Variants in PRPSAP1 observed in about 807,000 individuals in gnomAD.
PRPSAP1 encodes the protein phosphoribosyl pyrophosphate synthase-associated protein 1.
Under a neutral mutation model 39.4 loss-of-function variants are expected in PRPSAP1, and 31 were observed. That is an observed-to-expected ratio of 0.79 (90% CI 0.59 to 1.06). The LOEUF is 1.06. Ranked by LOEUF, PRPSAP1 falls within the 50% of genes least tolerant of loss-of-function variation. PRPSAP1 has a pLI of 0.00. For missense variants in PRPSAP1, 430 were observed against 511.6 expected (o/e 0.84, Z 1.54); for synonymous variants, 212 against 192.6 (o/e 1.10, Z -0.83).
chr17:76,319,656 A>G (rs1174168671), intron 7 of PRPSAP1, among the ~76,000 whole-genome samples: 1 of 151,708 alleles, frequency 6.6e-6, no homozygotes, highest in Non-Finnish European at 1.5e-5. Context: ...TTTAGTAGAG[A>G]CGGGGTTTCA....
chr17:76,312,773 A>C (rs990809696), intron 9 of PRPSAP1, 97 bp downstream of exon 9: 19 of 1,461,594 alleles, frequency 1.3e-5, no homozygotes, highest in Non-Finnish European at 1.7e-5. Flanking sequence ...TAGAAAAGCT[A>C]TAGACAGATT....
chr17:76,314,201 A>AATGTATGTATGT lies in PRPSAP1; in HGVS notation c.782-322_782-311dup, dbSNP rs58359232. 4.2e-3 allele frequency: 1,512 copies of AATGTATGTATGT among 359,066 alleles called. 37 individuals carry two copies. Among genetic ancestry groups the AATGTATGTATGT allele is most frequent in the African/African-American group, 0.034 (1,423 of 42,340 alleles). 22.2% of individuals were successfully genotyped at this position (359,066 alleles called of 1,614,324 possible). On this transcript the variant is annotated intron_variant, in intron 7 of 9. Transcript: ENST00000446526. ...AATTTCAACATGTAACTGATATAAA[A>AATGTATGTATGT]ATGTATGTATGTATGTATGTATGTA...
intron 8 of PRPSAP1, 83 bp downstream of exon 8, chr17:76,313,738 T>C: frequency 6.9e-7 from 1 of 1,456,844 alleles, no homozygotes; most frequent in Middle Eastern, 1.7e-4. Flanking sequence ...TCATCGTTCC[T>C]AGAAATACAG....
Position 76,353,793 on chromosome 17 carries a change from G to A in PRPSAP1, c.-90C>T, listed in dbSNP as rs2071610938. 3 of 1,390,168 alleles carry A rather than the reference G, an allele frequency of 2.2e-6. No individual in the cohort carries two copies. The highest frequency in any genetic ancestry group is 2.8e-6 in the Non-Finnish European group (3 of 1,080,486). The allele number at this position is 1,390,168 out of a possible 1,614,324, so 86.1% of individuals were successfully genotyped here. A position where few individuals can be genotyped will look rare whatever the true frequency, so the allele number is the denominator to read the frequency against. ...GCGAGACCCCGGTTTGGGTGGGGAA[G>A]GCGCTGAGAAACTCGGCGCAAGCGG... On this transcript the variant is annotated 5_prime_UTR_variant, in exon 1 of 10. Coordinates refer to ENST00000446526, the MANE Select transcript of PRPSAP1 (RefSeq NM_002766.3).
In PRPSAP1 at chr17:76,320,539, C is replaced by G. The variant is rs141737813; in HGVS notation, c.782-6648G>C. Among the ~76,000 whole-genome samples, 643 of 147,092 alleles carry G rather than the reference C, an allele frequency of 4.4e-3. 6 individuals carry two copies. The highest frequency in any genetic ancestry group is 0.016 in the African/African-American group (623 of 39,576). On this transcript the variant is annotated intron_variant, in intron 7 of 9. Coordinates refer to ENST00000446526, the MANE Select transcript of PRPSAP1 (RefSeq NM_002766.3). ...TCCCAGGTTCAAGTGATTTTCCTGA[C>G]TCAGCCTACCAAGTAGCTGGGACTA...
At chr17:76,333,220 C>G (rs2143506945) in intron 3 of PRPSAP1, among the ~76,000 whole-genome samples, 1 of 152,218 alleles carries the variant, frequency 6.6e-6, no homozygotes, top group African/African-American at 2.4e-5. Flanking sequence ...AGGCAATTCT[C>G]CTGGCTCATC....
chr17:76,344,516 CG>C (rs1302084895), intron 3 of PRPSAP1, among the ~76,000 whole-genome samples, 154 bp downstream of exon 3: 1 of 152,156 alleles, frequency 6.6e-6, no homozygotes, highest in Non-Finnish European at 1.5e-5. Context: ...CCGCCCACCT[CG>C]GCCTCCCAAA....
In PRPSAP1 at chr17:76,330,042, C is replaced by A. The variant is rs779922322; in HGVS notation, c.635+1G>T. 10 of 1,613,136 alleles carry A rather than the reference C, an allele frequency of 6.2e-6. No individual in the cohort carries two copies. The Admixed American group carries it at 1.2e-4, about 19-fold the overall frequency. On this transcript the variant is annotated splice_donor_variant, in intron 6 of 9. Coordinates refer to ENST00000446526, the MANE Select transcript of PRPSAP1 (RefSeq NM_002766.3). LOFTEE classifies it high-confidence loss of function. ...TCAGGACCCATGTCTAGCTTACTTA[C>A]CTCTTTGCAGCATCAGGAGACTTAG... is the stretch of plus-strand genomic sequence containing the variant.
chr17:76,317,498 G>C (rs2071137510), intron 7 of PRPSAP1, among the ~76,000 whole-genome samples: 1 of 152,178 alleles, frequency 6.6e-6, no homozygotes, highest in Admixed American at 6.5e-5. Context: ...ACTCTAGCCT[G>C]GGTGACAGAA....
Position 76,318,710 on chromosome 17 carries a change from G to GC in PRPSAP1, c.782-4820dup, listed in dbSNP as rs549707769. Among the ~76,000 whole-genome samples the GC allele has an allele frequency of 2.6e-5, 4 of 152,114 alleles. No individual in the cohort carries two copies. The South Asian group carries it at 6.2e-4, about 24-fold the overall frequency. On this transcript the variant is annotated intron_variant, in intron 7 of 9. Transcript: ENST00000446526. Reference sequence around the variant, plus strand: ...AGCCTATTAAAGAGAGTCACAGAAAGCAATGTGATGATAACTGTGAAAGTT... The same window carrying GC: ...AGCCTATTAAAGAGAGTCACAGAAAGCCAATGTGATGATAACTGTGAAAGTT...
chr17:76,321,434 CAG>C (rs1284379198), intron 7 of PRPSAP1, among the ~76,000 whole-genome samples: 1 of 151,942 alleles, frequency 6.6e-6, no homozygotes, highest in Non-Finnish European at 1.5e-5. Flanking sequence ...GCATGCTACT[CAG>C]GGGCTGAGGC....
intron 1 of PRPSAP1, among the ~76,000 whole-genome samples, chr17:76,350,017 G>A (rs142412859): frequency 5.3e-5 from 8 of 151,808 alleles, no homozygotes; most frequent in East Asian, 3.9e-4. Context: ...CCTGGGAGGC[G>A]GGGGCTGCAG....
chr17:76,342,852 C>A (rs911875382), intron 3 of PRPSAP1, among the ~76,000 whole-genome samples: 1 of 151,718 alleles, frequency 6.6e-6, no homozygotes, highest in Non-Finnish European at 1.5e-5. Context: ...CTGAGGCAGG[C>A]GGATCACTTG....
chr17:76,330,008 C>T (rs756524506), intron 6 of PRPSAP1, 35 bp downstream of exon 6: 1 of 1,598,174 alleles, frequency 6.3e-7, no homozygotes, highest in Non-Finnish European at 8.6e-7. Flanking sequence ...CGGGAGCACT[C>T]AGGAGGGATC....
At chr17:76,330,511 T>G (rs1291268783) in intron 5 of PRPSAP1, 40 bp downstream of exon 5, 1 of 1,417,488 alleles carries the variant, frequency 7.1e-7, no homozygotes, top group East Asian at 2.3e-5. Context: ...AAATAAGATC[T>G]CTTTTGAGGA....
intron 6 of PRPSAP1, 33 bp downstream of exon 6, chr17:76,330,010 G>C (rs1194343164): frequency 1.9e-6 from 3 of 1,600,086 alleles, no homozygotes; most frequent in Middle Eastern, 3.3e-4. Flanking sequence ...GGAGCACTCA[G>C]GAGGGATCAG....
chr17:76,320,223 T>C (rs1419765904), intron 7 of PRPSAP1, among the ~76,000 whole-genome samples: 2 of 148,848 alleles, frequency 1.3e-5, no homozygotes, highest in African/African-American at 2.5e-5. Context: ...TGAGCTGAGA[T>C]AGTGCCAGTG....
rs138270995 is a variant in PRPSAP1, at chr17:76,332,916, G to A, written c.291-481C>T. On this transcript the variant is annotated intron_variant, in intron 3 of 9. Coordinates refer to ENST00000446526, the MANE Select transcript of PRPSAP1 (RefSeq NM_002766.3). ...AATTTTTTTTTTTTTTTTTTGAGAC[G>A]GAGTCTCGCTGTCGCCCAGGTTGGA... is the stretch of plus-strand genomic sequence containing the variant. 2.6e-3 allele frequency among the ~76,000 whole-genome samples: 389 copies of A among 149,366 alleles called. 2 individuals are homozygous for A. The highest frequency in any genetic ancestry group is 8.5e-3 in the African/African-American group (345 of 40,466).
chr17:76,332,541 GAATTTTAC>G, intron 3 of PRPSAP1, 106 bp from the exon 4 acceptor site: 1 of 1,290,360 alleles, frequency 7.7e-7, no homozygotes, highest in South Asian at 1.4e-5. Context: ...GGTGTTGTGG[GAATTTTAC>G]CATCACACTA....
Sources: allele counts gnomAD v4.1 joint callset (sites outside exome capture counted in the v4.1 genomes callset), GRCh38; gene constraint gnomAD v4.1.1; transcripts MANE v1.5; gene names NCBI Gene and HGNC (gene_info 2026-07-23, HGNC 2026-07-21).